The following DENND2A variants were observed in gnomAD, a reference collection of about 807,000 sequenced individuals.
DENND2A encodes DENN domain-containing protein 2A.
A neutral mutation model predicts 105.3 loss-of-function variants in DENND2A; 53 were observed. The observed-to-expected ratio is 0.50, with a 90% CI of 0.40 to 0.63. DENND2A has a LOEUF of 0.63. Ranked by LOEUF, DENND2A falls within the 30% of genes least tolerant of loss-of-function variation. The pLI is 0.00. For synonymous variants in DENND2A, 522 were observed against 508.4 expected (o/e 1.03, Z -0.36); for missense variants, 1,138 against 1,279.6 (o/e 0.89, Z 1.69).
intron 11 of DENND2A, 84 bp from the exon 12 acceptor site, chr7:140,555,797 C>A: frequency 1.7e-6 from 2 of 1,158,266 alleles, no homozygotes; most frequent in East Asian, 4.9e-5. Flanking sequence ...GCGAGACTAT[C>A]ATGTGCCAGA....
intron 9 of DENND2A, among the ~76,000 whole-genome samples, chr7:140,561,705 G>A (rs1797625442): frequency 6.8e-6 from 1 of 147,726 alleles, no homozygotes; most frequent in African/African-American, 2.5e-5. Context: ...AGTAGAGACA[G>A]GGTTTCACCA....
intron 1 of DENND2A, among the ~76,000 whole-genome samples, chr7:140,619,437 G>C (rs898622751): frequency 7.2e-5 from 11 of 152,194 alleles, no homozygotes; most frequent in Non-Finnish European, 1.3e-4. Flanking sequence ...GGTGATGAAA[G>C]TGTTCTAAAA....
chr7:140,636,927 C>A (rs1212834833), intron 1 of DENND2A, among the ~76,000 whole-genome samples: 1 of 152,032 alleles, frequency 6.6e-6, no homozygotes, highest in African/African-American at 2.4e-5. Flanking sequence ...GTGATGCAAT[C>A]TTGGCTCATG....
At chr7:140,539,843 C>T (rs566157343) in intron 14 of DENND2A, among the ~76,000 whole-genome samples, 1 of 152,352 alleles carries the variant, frequency 6.6e-6, no homozygotes, top group Admixed American at 6.5e-5. Flanking sequence ...AGATTTCCAT[C>T]TCTTCAGGTC....
At chr7:140,524,579 CTT>C (rs900233387) in intron 16 of DENND2A, among the ~76,000 whole-genome samples, 1 of 149,668 alleles carries the variant, frequency 6.7e-6, no homozygotes, top group Non-Finnish European at 1.5e-5. Flanking sequence ...TCTCTTCTCT[CTT>C]TTTTTTTTCT....
At chr7:140,620,053 G>A (rs1199185540) in intron 1 of DENND2A, among the ~76,000 whole-genome samples, 4 of 151,586 alleles carry the variant, frequency 2.6e-5, no homozygotes, top group South Asian at 4.2e-4. Flanking sequence ...AAAATTAGGC[G>A]GGCATGGTGG....
rs1049375910 is a variant in DENND2A at position 140,560,374 on chromosome 7, AG to A, written c.1780-558del. Among the ~76,000 whole-genome samples the A allele has an allele frequency of 7.9e-5, 12 of 152,332 alleles. No homozygotes were observed. In the East Asian group the frequency reaches 2.1e-3, roughly 27 times the overall value. ...TTCAGCAAGAAGGAAATAAGCCCCG[AG>A]GTGTGAAGTGATGTGTCCTGGTCAC... is the stretch of plus-strand genomic sequence containing the variant. On this transcript the variant is annotated intron_variant, in intron 9 of 19. Coordinates refer to ENST00000496613, the MANE Select transcript of DENND2A (RefSeq NM_015689.5).
chr7:140,618,424 C>T (rs1800162961), intron 1 of DENND2A, among the ~76,000 whole-genome samples: 2 of 152,140 alleles, frequency 1.3e-5, no homozygotes, highest in African/African-American at 4.8e-5. Context: ...AGCTAAGAAA[C>T]CCTTTTTGTT....
At chr7:140,521,009 G>T (rs893003843) in intron 18 of DENND2A, among the ~76,000 whole-genome samples, 3 of 151,434 alleles carry the variant, frequency 2.0e-5, no homozygotes, top group African/African-American at 7.3e-5. Flanking sequence ...TGAGTAGCTG[G>T]GATTACAGGC....
At chr7:140,571,064 C>G (rs1335432517) in intron 6 of DENND2A, among the ~76,000 whole-genome samples, 1 of 152,204 alleles carries the variant, frequency 6.6e-6, no homozygotes, top group Admixed American at 6.5e-5. Context: ...TATTATCTCA[C>G]AGCTATATGT....
rs918143759 is a variant in DENND2A, at chr7:140,522,041, C to T, written c.2725G>A (p.Glu909Lys). Residue 909 changes from glutamate (E) to lysine (K), a missense_variant, in exon 18 of 20, where the codon GAG (glutamate) becomes AAG (lysine). Glu to Lys is a moderately conservative substitution (Grantham distance 56). This residue lies in a region of DENND2A where 627 missense variants were observed against 779.8 expected (regional missense o/e 0.80). Transcript: ENST00000496613. ...AACAAAGAGTAGTGTCCCACAATCTCCACGAAGAAGCGGACAAAGGCTTCA... is the reference window on the plus strand; with the variant it reads ...AACAAAGAGTAGTGTCCCACAATCTTCACGAAGAAGCGGACAAAGGCTTCA... ...VSEAFVRFFV[E>K]IVGHYSLFLT... 3.1e-6 allele frequency: 5 copies of T among 1,614,066 alleles called. No homozygotes were observed. The highest frequency in any genetic ancestry group is 4.2e-6 in the Non-Finnish European group (5 of 1,180,050).
intron 16 of DENND2A, 87 bp downstream of exon 16, chr7:140,525,664 G>C: frequency 7.9e-7 from 1 of 1,271,916 alleles, no homozygotes; most frequent in East Asian, 2.7e-5. Flanking sequence ...CAATCCCAAA[G>C]AGCCTTTCCA....
rs370028328 is a variant in DENND2A, at chr7:140,573,835, G to A, written c.1419C>T (p.Asn473=). ...TGGGTATCTTTCTCTTCTTCCTGCC[G>A]TTCTGTGGGTCTCCAAGGTTAAAGA... ...DIFFNLGDPQ[N]GRKKRKIPKL... The change falls in exon 6 of 20, where the codon AAC becomes AAT. Residue 473 remains asparagine, a synonymous_variant. Coordinates refer to ENST00000496613, the MANE Select transcript of DENND2A (RefSeq NM_015689.5). The A allele has an allele frequency of 3.7e-5, 60 of 1,613,914 alleles. No individual in the cohort carries two copies. In the African/African-American group the frequency reaches 4.1e-4, roughly 11 times the overall value.
At chr7:140,569,224 G>A (rs590083) in intron 7 of DENND2A, among the ~76,000 whole-genome samples, 69,204 of 152,086 alleles carry the variant, frequency 0.46, 16,416 homozygotes, top group African/African-American at 0.57. Flanking sequence ...ACCGCGCCCC[G>A]CCTCTTGTTG....
At chr7:140,619,753 G>A (rs1265038124) in intron 1 of DENND2A, among the ~76,000 whole-genome samples, 2 of 151,990 alleles carry the variant, frequency 1.3e-5, no homozygotes, top group African/African-American at 4.8e-5. Context: ...GCCTGCCTCG[G>A]CCTCCCAAAG....
intron 12 of DENND2A, among the ~76,000 whole-genome samples, chr7:140,552,441 T>C (rs1376600923): frequency 6.6e-6 from 1 of 151,908 alleles, no homozygotes; most frequent in Non-Finnish European, 1.5e-5. Flanking sequence ...TTGCCAAGGC[T>C]GGAGTGCACT....
intron 12 of DENND2A, among the ~76,000 whole-genome samples, chr7:140,552,340 C>CCT (rs560033744): frequency 2.5e-3 from 375 of 150,592 alleles, no homozygotes; most frequent in African/African-American, 8.5e-3. Flanking sequence ...CCTTCCTTTC[C>CCT]CTCTCTCTCT....
At chr7:140,626,248 C>A (rs974299901) in intron 1 of DENND2A, among the ~76,000 whole-genome samples, 11 of 152,200 alleles carry the variant, frequency 7.2e-5, no homozygotes, top group African/African-American at 2.7e-4. Flanking sequence ...TCCCCTTCTC[C>A]GTCCCCTGCA....
In DENND2A at chr7:140,563,676, TAAAAAAAAAAAAAAAA is replaced by T. The variant is rs139848094; in HGVS notation, c.1779+3394_1779+3409del. On this transcript the variant is annotated intron_variant, in intron 9 of 19. Transcript: ENST00000496613. ...TGTACAAGGATGATCACCATTGCAT[TAAAAAAAAAAAAAAAA>T]AAAAAAAAAAAAGCCAGGCACAGTG... Among the ~76,000 whole-genome samples, 6 of 29,246 alleles carry T rather than the reference TAAAAAAAAAAAAAAAA, an allele frequency of 2.1e-4. No homozygotes were observed. In the East Asian group the frequency reaches 7.1e-3, roughly 35 times the overall value. The allele number at this position is 29,246 out of a possible 152,430, so 19.2% of individuals were successfully genotyped here.
Sources: allele counts gnomAD v4.1 joint callset (sites outside exome capture counted in the v4.1 genomes callset), GRCh38; gene constraint gnomAD v4.1.1; regional missense constraint gnomAD v4.1.1; transcripts MANE v1.5; gene names NCBI Gene and HGNC (gene_info 2026-07-23, HGNC 2026-07-21).